Variants in AGA observed in about 807,000 individuals in gnomAD.
The protein encoded by AGA is N(4)-(beta-N-acetylglucosaminyl)-L-asparaginase.
AGA carries 31 observed loss-of-function variants against 40.1 expected under a neutral mutation model. The ratio of observed to expected loss-of-function variants is 0.77; its 90% CI spans 0.58 to 1.04. The LOEUF is 1.04. Among genes scored for constraint, AGA ranks in the 50% least tolerant of loss-of-function variants. The pLI is 0.00. For synonymous variants in AGA, 148 were observed against 144.0 expected (o/e 1.03, Z -0.20); for missense variants, 445 against 435.4 (o/e 1.02, Z -0.20).
chr4:177,442,290 A>G lies in AGA; in HGVS notation c.86T>C (p.Leu29Pro), dbSNP rs1737059574. 1 of 1,614,046 alleles carries G rather than the reference A, an allele frequency of 6.2e-7. No homozygotes were observed. Among genetic ancestry groups the G allele is most frequent in the Non-Finnish European group, 8.5e-7 (1 of 1,179,926 alleles). The change falls in exon 1 of 9, where the codon CTG (leucine) becomes CCG (proline). Residue 29 changes from leucine to proline, a missense_variant. Transcript: ENST00000264595. Reference protein sequence around the residue: ...ALVRCSSPLPLVVNTWPFKNA... With the variant: ...ALVRCSSPLPPVVNTWPFKNA... ...CTTAAAGGGCCAAGTGTTGACGACC[A>G]GGGGCAGAGGGCTGGAGCAGCGCAC...
intron 2 of AGA, 53 bp downstream of exon 2, chr4:177,440,220 A>G: frequency 6.2e-7 from 1 of 1,605,226 alleles, no homozygotes; most frequent in Non-Finnish European, 8.5e-7. Flanking sequence ...TCAGAAGACC[A>G]CAACTCTAAA....
chr4:177,438,894 A>C (rs1481214369), intron 3 of AGA, 37 bp from the exon 4 acceptor site: 1 of 1,313,962 alleles, frequency 7.6e-7, no homozygotes, highest in Non-Finnish European at 1.1e-6. Context: ...AAATTATTCA[A>C]GTATTGTCTT....
At chr4:177,437,358 T>C (rs1345114601) in intron 5 of AGA, 47 bp downstream of exon 5, 6 of 1,288,242 alleles carry the variant, frequency 4.7e-6, no homozygotes, top group Non-Finnish European at 6.8e-6. Flanking sequence ...TACAGGAAGA[T>C]AATTAACTAA....
Position 177,433,351 on chromosome 4 carries a change from A to C in AGA, c.807-4T>G. 1.9e-6 allele frequency: 3 copies of C among 1,614,024 alleles called. No individual in the cohort carries two copies. The highest frequency in any genetic ancestry group is 2.5e-6 in the Non-Finnish European group (3 of 1,179,960). ...CATGTATTCTACAGCTTGGTAGCTG[A>C]TTGAAACAGAGGTGAAACCTTAGTG... On this transcript the variant is annotated splice_region_variant and splice_polypyrimidine_tract_variant and intron_variant, in intron 7 of 8. Transcript: ENST00000264595.
chr4:177,440,490 C>A (rs1344034008), intron 1 of AGA, 64 bp from the exon 2 acceptor site: 17 of 1,537,704 alleles, frequency 1.1e-5, no homozygotes, highest in Non-Finnish European at 1.4e-5. Context: ...CCAAATGCAA[C>A]AAACCAACTC....
chr4:177,441,254 C>G (rs1737000098), intron 1 of AGA, among the ~76,000 whole-genome samples: 1 of 152,174 alleles, frequency 6.6e-6, no homozygotes, highest in South Asian at 2.1e-4. Context: ...CAGGCTGATG[C>G]AATTTCTTTT....
intron 5 of AGA, 125 bp downstream of exon 5, chr4:177,437,280 A>G (rs1736853145): frequency 1.3e-6 from 1 of 745,548 alleles, no homozygotes; most frequent in African/African-American, 1.7e-5. Flanking sequence ...ATCTATCTAT[A>G]GAGAGGCACA....
intron 6 of AGA, among the ~76,000 whole-genome samples, chr4:177,435,131 G>A (rs1048858379): frequency 5.3e-5 from 8 of 151,154 alleles, no homozygotes; most frequent in African/African-American, 9.7e-5. Context: ...GGCTGGTCTC[G>A]AACTCCTGAC....
chr4:177,441,917 T>A (rs1429606182), intron 1 of AGA, among the ~76,000 whole-genome samples: 1 of 152,218 alleles, frequency 6.6e-6, no homozygotes, highest in Admixed American at 6.5e-5. Flanking sequence ...GTGAAAAGAC[T>A]GTCAGGCAGA....
chr4:177,442,018 G>C (rs1737034980), intron 1 of AGA, among the ~76,000 whole-genome samples: 1 of 152,220 alleles, frequency 6.6e-6, no homozygotes, highest in African/African-American at 2.4e-5. Context: ...GCTGCATGAA[G>C]GGAGGACCTA....
At chr4:177,434,930 T>C (rs1016940459) in intron 6 of AGA, among the ~76,000 whole-genome samples, 1 of 152,006 alleles carries the variant, frequency 6.6e-6, no homozygotes, top group Non-Finnish European at 1.5e-5. Flanking sequence ...ACAGGAGTCT[T>C]GCTCTGTCAC....
intron 1 of AGA, 43 bp from the exon 2 acceptor site, chr4:177,440,469 T>C: frequency 6.3e-7 from 1 of 1,587,526 alleles, no homozygotes. Flanking sequence ...ATATATATTT[T>C]TTTTTCAATG....
At chr4:177,439,338 G>A (rs975417198) in intron 3 of AGA, among the ~76,000 whole-genome samples, 9 of 152,154 alleles carry the variant, frequency 5.9e-5, no homozygotes, top group South Asian at 2.1e-4. Flanking sequence ...CTGAGATCGC[G>A]CCATTGCACT....
intron 5 of AGA, chr4:177,437,153 G>A: frequency 2.3e-6 from 1 of 440,984 alleles, no homozygotes; most frequent in Non-Finnish European, 4.1e-6. Flanking sequence ...ACATAAAACT[G>A]CCAAAAAATG....
rs752718514 is a variant in AGA, at chr4:177,433,215, G to A, written c.939C>T (p.Tyr313=). The A allele has an allele frequency of 8.7e-6, 14 of 1,613,870 alleles. No individual in the cohort carries two copies. The highest frequency in any genetic ancestry group is 6.6e-5 in the South Asian group (6 of 91,072). The part of the protein sequence containing the change: ...AVICANVTGS[Y]GAACNKLSTF... The stretch of plus-strand genomic sequence containing the variant: ...ATACAAAATCCAAACACAACTTACC[G>A]TAACTTCCAGTCACATTGGCACATA... Residue 313 remains tyrosine (Y), a splice_region_variant and synonymous_variant, in exon 8 of 9, where the codon TAC becomes TAT. Coordinates refer to ENST00000264595, the MANE Select transcript of AGA (RefSeq NM_000027.4).
rs772181386 is a variant in AGA, at chr4:177,442,412, C to G, written c.-37G>C. On this transcript the variant is annotated 5_prime_UTR_variant, in exon 1 of 9. Transcript: ENST00000264595. ...GAAGAGACCAGCGCGAGAAAAGTCC[C>G]GGCAGCCAGCGATCGCCGAACAATT... The G allele has an allele frequency of 7.4e-6, 12 of 1,613,454 alleles. No individual in the cohort carries two copies. Among genetic ancestry groups the G allele is most frequent in the Admixed American group, 1.7e-5 (1 of 59,994 alleles).
chr4:177,436,430 A>G (rs1366149966), intron 5 of AGA, 79 bp from the exon 6 acceptor site: 9 of 1,040,924 alleles, frequency 8.6e-6, no homozygotes, highest in African/African-American at 4.7e-5. Context: ...GCAACTGGTA[A>G]TAACTGCTGT....
chr4:177,439,760 C>T, intron 2 of AGA, 72 bp from the exon 3 acceptor site: 2 of 1,132,850 alleles, frequency 1.8e-6, no homozygotes, highest in Non-Finnish European at 2.7e-6. Flanking sequence ...CATTGCTTTT[C>T]TCCAATCAAT....
At chr4:177,437,012 A>T in intron 5 of AGA, 1 of 243,900 alleles carries the variant, frequency 4.1e-6, no homozygotes, top group Non-Finnish European at 8.0e-6. Flanking sequence ...AGGCAAATAA[A>T]CTTTTGTTTA....
Sources: gnomAD v4.1 joint callset for allele counts (sites outside exome capture counted in the v4.1 genomes callset) on GRCh38, gnomAD v4.1.1 for gene constraint, MANE v1.5 for transcripts, NCBI Gene and HGNC (gene_info 2026-07-23, HGNC 2026-07-21) for gene names.